CELF2: variants seen among roughly 807,000 people sequenced by gnomAD.
The protein encoded by CELF2 is CUG triplet repeat RNA-binding protein 2.
In CELF2, 8 loss-of-function variants were observed where a neutral mutation model predicts 62.6. The observed-to-expected ratio is 0.13, with a 90% CI of 0.07 to 0.23. The LOEUF (loss-of-function observed/expected upper bound fraction) is 0.23. Ranked by LOEUF, CELF2 falls within the 10% of genes least tolerant of loss-of-function variation. The pLI is 1.00. For synonymous variants in CELF2, 258 were observed against 250.0 expected (o/e 1.03, Z -0.30); for missense variants, 333 against 671.0 (o/e 0.50, Z 5.56).
chr10:11,303,263 T>C (rs570476531), intron 9 of CELF2, among the ~76,000 whole-genome samples: 3 of 152,310 alleles, frequency 2.0e-5, no homozygotes, highest in South Asian at 2.1e-4. Flanking sequence ...TTTACTCTTA[T>C]CAGCTCACTC....
At chr10:10,889,948 G>A (rs2062015459) in intron 1 of CELF2, among the ~76,000 whole-genome samples, 1 of 152,174 alleles carries the variant, frequency 6.6e-6, no homozygotes, top group Non-Finnish European at 1.5e-5. Flanking sequence ...TACACTAGGA[G>A]AGTCCTATAC....
intron 1 of CELF2, among the ~76,000 whole-genome samples, chr10:11,029,256 G>A (rs183616990): frequency 1.3e-5 from 2 of 152,308 alleles, no homozygotes; most frequent in Admixed American, 1.3e-4. Context: ...GCTGCAGGGT[G>A]TGTCCTGGTT....
intron 1 of CELF2, among the ~76,000 whole-genome samples, chr10:11,099,266 C>G (rs1342119223): frequency 6.6e-6 from 1 of 152,180 alleles, no homozygotes; most frequent in Non-Finnish European, 1.5e-5. Flanking sequence ...TTAATAGCCC[C>G]CATCCATCAC....
At position 11,316,015 on chromosome 10, in the gene CELF2, C is replaced by G. The variant is rs1335181620; in HGVS notation, c.1096+1757C>G. On this transcript the variant is annotated intron_variant, in intron 10 of 12. Transcript: ENST00000633077. This position sits in a 1 kb window ranked among gnomAD's most constrained non-coding sequence, Gnocchi z 4.4. ...GACTGGTGTGTGTGTGTCCTCTCGT[C>G]TGCGTCCCGCCCTGTCCACGCTGCT... Among the ~76,000 whole-genome samples the G allele has an allele frequency of 6.6e-6, 1 of 152,226 alleles. No individual in the cohort carries two copies. The highest frequency in any genetic ancestry group is 6.5e-5 in the Admixed American group (1 of 15,284).
At position 10,928,513 on chromosome 10, in the gene CELF2, C is replaced by G. The variant is rs1461537514; in HGVS notation, c.89+8514C>G. ...TTATAAATATATATATATATGAACA[C>G]AGCCATAACATCTATTTATGTGTTG... is the stretch of plus-strand genomic sequence containing the variant. On this transcript the variant is annotated intron_variant, in intron 2 of 13. Coordinates refer to the CELF2 transcript ENST00000636488. This position sits in a 1 kb window ranked among gnomAD's most constrained non-coding sequence, Gnocchi z 4.8. 6.6e-6 allele frequency among the ~76,000 whole-genome samples: 1 copy of G among 152,140 alleles called. No homozygotes were observed. Among genetic ancestry groups the G allele is most frequent in the Non-Finnish European group, 1.5e-5 (1 of 68,032 alleles).
the CELF2 span, among the ~76,000 whole-genome samples, chr10:10,720,195 G>A: frequency 1.5e-3 from 225 of 152,132 alleles, 1 homozygote; most frequent in African/African-American, 5.2e-3. Context: ...CTATAAATAG[G>A]GATATTAAAT....
At chr10:11,057,374 A>G (rs1325407400) in intron 1 of CELF2, among the ~76,000 whole-genome samples, 2 of 152,214 alleles carry the variant, frequency 1.3e-5, no homozygotes, top group Non-Finnish European at 2.9e-5. Flanking sequence ...AGTGATTTTA[A>G]GAATGCCTTG....
chr10:10,474,923 G>A, the CELF2 span, among the ~76,000 whole-genome samples: 1 of 152,040 alleles, frequency 6.6e-6, no homozygotes, highest in African/African-American at 2.4e-5. Flanking sequence ...TACTTTAGTA[G>A]TAGATCTGAA....
At chr10:10,748,042 A>G in the CELF2 span, among the ~76,000 whole-genome samples, 1 of 152,246 alleles carries the variant, frequency 6.6e-6, no homozygotes, top group Non-Finnish European at 1.5e-5. Flanking sequence ...ATGGAGGAAG[A>G]GTGTAGAATG....
At chr10:10,741,567 C>T in the CELF2 span, among the ~76,000 whole-genome samples, 6 of 151,582 alleles carry the variant, frequency 4.0e-5, no homozygotes, top group Non-Finnish European at 5.9e-5. Flanking sequence ...TAGTATCACC[C>T]TCATTTAGAG....
chr10:10,775,368 C>A, the CELF2 span, among the ~76,000 whole-genome samples: 1 of 152,030 alleles, frequency 6.6e-6, no homozygotes, highest in African/African-American at 2.4e-5. Flanking sequence ...CGGTGGCTCA[C>A]ACCTGTAATC....
intron 1 of CELF2, among the ~76,000 whole-genome samples, chr10:10,854,042 T>C (rs999988131): frequency 6.6e-6 from 1 of 152,222 alleles, no homozygotes; most frequent in Non-Finnish European, 1.5e-5. Flanking sequence ...AAACATGAAC[T>C]CTCATTTAAG....
intron 1 of CELF2, among the ~76,000 whole-genome samples, chr10:11,128,223 C>G (rs1046630645): frequency 2.0e-5 from 3 of 152,156 alleles, no homozygotes; most frequent in Non-Finnish European, 4.4e-5. Flanking sequence ...GGGCTCTGTT[C>G]TGTTCCATTG....
the CELF2 span, among the ~76,000 whole-genome samples, chr10:10,722,143 A>G: frequency 6.6e-6 from 1 of 152,104 alleles, no homozygotes; most frequent in Non-Finnish European, 1.5e-5. Flanking sequence ...TCTACAAAAA[A>G]TAAAAATAAA....
intron 1 of CELF2, among the ~76,000 whole-genome samples, chr10:10,857,764 G>C (rs999160081): frequency 4.1e-5 from 6 of 146,096 alleles, no homozygotes; most frequent in Non-Finnish European, 7.5e-5. Flanking sequence ...TCAGTCAATA[G>C]AAAAAGACCC....
chr10:11,128,747 A>C (rs2131739844), intron 1 of CELF2, among the ~76,000 whole-genome samples: 1 of 152,236 alleles, frequency 6.6e-6, no homozygotes, highest in East Asian at 1.9e-4. Flanking sequence ...GACTTTGCTG[A>C]AGTTGCTTAT....
At chr10:11,015,174 T>TA (rs2057074595), upstream of CELF2, among the ~76,000 whole-genome samples, 1 of 152,182 alleles carries the variant, frequency 6.6e-6, no homozygotes. This position sits in a 1 kb window ranked among gnomAD's most constrained non-coding sequence, Gnocchi z 4.8. Context: ...GCATGAAAAT[T>TA]AAAAAAGGGG....
chr10:10,912,102 G>T (rs1463653818), intron 1 of CELF2, among the ~76,000 whole-genome samples: 2 of 152,176 alleles, frequency 1.3e-5, no homozygotes, highest in Non-Finnish European at 2.9e-5. Context: ...GGAGAAGAAA[G>T]AAATGCAGTA....
Position 10,986,200 on chromosome 10 carries a change from T to G in CELF2, c.89+66201T>G, listed in dbSNP as rs775794244. The stretch of plus-strand genomic sequence containing the variant: ...CTTTTTATAAAAAAAAAAGGTATAT[T>G]CTCTGTATTTCAAACTATTAAAATT... On this transcript the variant is annotated intron_variant, in intron 2 of 13. Coordinates refer to the CELF2 transcript ENST00000636488. 8.1e-4 allele frequency among the ~76,000 whole-genome samples: 124 copies of G among 152,302 alleles called. 1 individual carries two copies. The highest frequency in any genetic ancestry group is 6.8e-3 in the Middle Eastern group (2 of 294).
Sources: gnomAD v4.1 joint callset for allele counts (sites outside exome capture counted in the v4.1 genomes callset) on GRCh38, gnomAD v4.1.1 for gene constraint, Gnocchi (gnomAD v3.1) non-coding constraint, MANE v1.5 for transcripts, NCBI Gene and HGNC (gene_info 2026-07-23, HGNC 2026-07-21) for gene names.